Variants in ADCY8 observed in about 807,000 individuals in gnomAD.
The protein encoded by ADCY8 is adenylate cyclase type 8.
Under a neutral mutation model 119.7 loss-of-function variants are expected in ADCY8, and 51 were observed. The observed-to-expected ratio is 0.43, with a 90% CI of 0.34 to 0.54. The LOEUF (loss-of-function observed/expected upper bound fraction) is 0.54. Among genes scored for constraint, ADCY8 ranks in the 20% least tolerant of loss-of-function variants. ADCY8 has a pLI of 0.03. For synonymous variants in ADCY8, 665 were observed against 651.0 expected (o/e 1.02, Z -0.33); for missense variants, 1,383 against 1,598.8 (o/e 0.87, Z 2.30).
At chr8:130,922,653 C>T (rs2130586953) in intron 5 of ADCY8, among the ~76,000 whole-genome samples, 1 of 152,284 alleles carries the variant, frequency 6.6e-6, no homozygotes, top group South Asian at 2.1e-4. Context: ...CAATCTTTTC[C>T]CCACCTTCCC....
chr8:130,869,377 G>C (rs1352433917), intron 8 of ADCY8, among the ~76,000 whole-genome samples: 2 of 151,996 alleles, frequency 1.3e-5, no homozygotes. Context: ...CCTACACAGA[G>C]CAGCTTGAAA....
intron 9 of ADCY8, among the ~76,000 whole-genome samples, chr8:130,859,679 G>T (rs947336045): frequency 2.0e-5 from 3 of 152,196 alleles, no homozygotes; most frequent in Non-Finnish European, 2.9e-5. Flanking sequence ...ATATATTAAA[G>T]TTCATTCTCT....
intron 14 of ADCY8, among the ~76,000 whole-genome samples, chr8:130,802,727 T>C (rs1032903520): frequency 1.3e-5 from 2 of 152,206 alleles, no homozygotes; most frequent in Non-Finnish European, 2.9e-5. Context: ...CACCCAGTGT[T>C]CAAGTGTCAA....
At chr8:131,038,333 C>T (rs1300048005) in intron 1 of ADCY8, among the ~76,000 whole-genome samples, 2 of 152,186 alleles carry the variant, frequency 1.3e-5, no homozygotes, top group African/African-American at 4.8e-5. Context: ...AAGCAGCCCC[C>T]TGACCATGCA....
intron 17 of ADCY8, 86 bp downstream of exon 17, chr8:130,783,605 T>C (rs1815157273): frequency 4.3e-6 from 4 of 934,506 alleles, no homozygotes; most frequent in Admixed American, 2.3e-5. Flanking sequence ...GAAAAAGCTT[T>C]CCTGGATTGA....
intron 2 of ADCY8, among the ~76,000 whole-genome samples, chr8:130,954,171 C>T (rs1449792564): frequency 1.3e-5 from 2 of 152,192 alleles, no homozygotes; most frequent in Non-Finnish European, 2.9e-5. Flanking sequence ...GCAAATCATC[C>T]TTACACTAGT....
chr8:131,005,878 C>A (rs1032874232), intron 1 of ADCY8, among the ~76,000 whole-genome samples: 1 of 152,192 alleles, frequency 6.6e-6, no homozygotes, highest in African/African-American at 2.4e-5. Context: ...TTAATCCCAT[C>A]TCAAAACTTT....
intron 16 of ADCY8, among the ~76,000 whole-genome samples, 164 bp from the exon 17 acceptor site, chr8:130,783,969 A>C (rs1815170306): frequency 6.6e-6 from 1 of 152,150 alleles, no homozygotes; most frequent in Admixed American, 6.5e-5. Flanking sequence ...CTGGTATCTC[A>C]GAACATGGGA....
At chr8:131,038,860 T>C (rs910855474) in intron 1 of ADCY8, among the ~76,000 whole-genome samples, 1 of 152,164 alleles carries the variant, frequency 6.6e-6, no homozygotes, top group Admixed American at 6.5e-5. Context: ...CGTACAGTAC[T>C]CAGCACTGAC....
rs763017962 is a variant in ADCY8, at chr8:130,943,220, G to T, written c.1353+131C>A. 46 of 630,006 alleles carry T rather than the reference G, an allele frequency of 7.3e-5. 1 individual carries two copies. The highest frequency in any genetic ancestry group is 5.3e-4 in the Middle Eastern group (2 of 3,788). 39.0% of individuals were successfully genotyped at this position (630,006 alleles called of 1,614,324 possible). Reference sequence around the variant, plus strand: ...AGTCCCCAGAATGTGAGAGGGTCAGGGTCCATGCCTAGGGACAGGATGCAG... The same window carrying T: ...AGTCCCCAGAATGTGAGAGGGTCAGTGTCCATGCCTAGGGACAGGATGCAG... On this transcript the variant is annotated intron_variant, in intron 4 of 17. Transcript: ENST00000286355.
chr8:130,977,963 C>G (rs1168967533), intron 2 of ADCY8, among the ~76,000 whole-genome samples: 2 of 152,206 alleles, frequency 1.3e-5, no homozygotes, highest in Non-Finnish European at 2.9e-5. Flanking sequence ...CTCATTCATG[C>G]ATCTGACAAA....
intron 9 of ADCY8, among the ~76,000 whole-genome samples, chr8:130,862,015 C>A (rs1586496740): frequency 6.6e-6 from 1 of 151,976 alleles, no homozygotes; most frequent in African/African-American, 2.4e-5. Context: ...CTTTATATAC[C>A]TGGGAGAAGT....
At chr8:130,816,156 G>A (rs1390657813) in intron 13 of ADCY8, among the ~76,000 whole-genome samples, 1 of 152,260 alleles carries the variant, frequency 6.6e-6, no homozygotes, top group South Asian at 2.1e-4. Flanking sequence ...AAGACCATAT[G>A]CAAAAGGTTA....
intron 1 of ADCY8, among the ~76,000 whole-genome samples, chr8:131,034,464 A>G (rs1451676145): frequency 1.3e-5 from 2 of 152,076 alleles, no homozygotes; most frequent in Non-Finnish European, 2.9e-5. Flanking sequence ...AGAAAAAAAA[A>G]TTTCCCCTAA....
At chr8:130,943,497 G>GGGGGGGGGGGGGGCCCCCCCCCCCCCCCC in intron 3 of ADCY8, 35 bp from the exon 4 acceptor site, 1 of 491,354 alleles carries the variant, frequency 2.0e-6, no homozygotes, top group Non-Finnish European at 4.2e-6. Context: ...GTGGGGGGAG[G>GGGGGGGGGGGGGGCCCCCCCCCCCCCCCC]AAGTATATTA....
At chr8:130,855,364 A>G (rs557006270) in intron 9 of ADCY8, among the ~76,000 whole-genome samples, 6 of 152,300 alleles carry the variant, frequency 3.9e-5, no homozygotes, top group Non-Finnish European at 4.4e-5. Context: ...CAATTCCCAC[A>G]GCATATGGAT....
chr8:131,002,338 G>A (rs529776973), intron 1 of ADCY8, among the ~76,000 whole-genome samples: 20 of 152,330 alleles, frequency 1.3e-4, no homozygotes, highest in African/African-American at 4.3e-4. Flanking sequence ...TGACTTGGTC[G>A]GGTATGTGTT....
chr8:130,825,892 C>T (rs751607349), intron 12 of ADCY8, among the ~76,000 whole-genome samples: 16 of 152,298 alleles, frequency 1.1e-4, no homozygotes, highest in East Asian at 3.9e-4. Context: ...GCCACACAGG[C>T]GGTCATCCTG....
At chr8:130,879,920 G>A (rs890359588) in intron 8 of ADCY8, among the ~76,000 whole-genome samples, 6 of 152,138 alleles carry the variant, frequency 3.9e-5, no homozygotes, top group Non-Finnish European at 8.8e-5. Flanking sequence ...CCCACATGTT[G>A]TGGGAGGGAC....
Sources: allele counts gnomAD v4.1 joint callset (sites outside exome capture counted in the v4.1 genomes callset), GRCh38; gene constraint gnomAD v4.1.1; transcripts MANE v1.5; gene names NCBI Gene and HGNC (gene_info 2026-07-23, HGNC 2026-07-21).